Variants in GRIK2 observed in about 807,000 individuals in gnomAD.
GRIK2 encodes glutamate ionotropic receptor kainate type subunit 2, also known as glutamate receptor ionotropic, kainate 2.
GRIK2 carries 32 observed loss-of-function variants against 100.3 expected under a neutral mutation model. The ratio of observed to expected loss-of-function variants is 0.32; its 90% confidence interval spans 0.24 to 0.43. The LOEUF (loss-of-function observed/expected upper bound fraction) is 0.43, where lower values mean the gene tolerates loss of function less well. Ranked by LOEUF, GRIK2 falls within the 20% of genes least tolerant of loss-of-function variation. The pLI, the probability that GRIK2 is intolerant of heterozygous loss-of-function variation, is 1.00. For missense variants in GRIK2, 843 were observed against 1,114.9 expected, an observed-to-expected ratio of 0.76 and a Z score of 3.47; for synonymous variants, 417 against 389.4, an observed-to-expected ratio of 1.07 and a Z score of -0.83.
intron 10 of GRIK2, among the ~76,000 whole-genome samples, chr6:101,838,805 C>A (rs1783313664): frequency 6.6e-6 from 1 of 151,928 alleles, no homozygotes; most frequent in African/African-American, 2.4e-5. Flanking sequence ...CTGCCCACCA[C>A]CACGCCTGGC....
chr6:101,847,377 G>A (rs907755112), intron 10 of GRIK2, among the ~76,000 whole-genome samples: 2 of 151,852 alleles, frequency 1.3e-5, no homozygotes, highest in African/African-American at 4.8e-5. Flanking sequence ...GTATAATATT[G>A]CAACTCTAGA....
At chr6:102,066,941 A>C (rs1772047300) in intron 16 of GRIK2, among the ~76,000 whole-genome samples, 1 of 151,666 alleles carries the variant, frequency 6.6e-6, no homozygotes, top group South Asian at 2.1e-4. Context: ...CAGGAAGGTA[A>C]TAGAGCAGTG....
In GRIK2 at chr6:101,819,466, C is replaced by T. The variant is rs537261037; in HGVS notation, c.1317+983C>T. Among the ~76,000 whole-genome samples, 6 of 152,236 alleles carry T rather than the reference C, an allele frequency of 3.9e-5. No individual in the cohort carries two copies. The East Asian group carries it at 1.2e-3, about 29-fold the overall frequency. Reference sequence around the variant, plus strand: ...TTGATAATGAAGCAAAGCTGATAATCATGAAGTGACAGTGATGAAAGTCAT... The same window carrying T: ...TTGATAATGAAGCAAAGCTGATAATTATGAAGTGACAGTGATGAAAGTCAT... On this transcript the variant is annotated intron_variant, in intron 10 of 16. Transcript: ENST00000369134.
rs73763639 is a variant in GRIK2, at chr6:102,017,959, A to C, written c.2086-17382A>C. Among the ~76,000 whole-genome samples the C allele has an allele frequency of 3.4e-3, 516 of 152,266 alleles. 2 individuals carry two copies. Among genetic ancestry groups the C allele is most frequent in the African/African-American group, 0.012 (498 of 41,568 alleles). The stretch of plus-strand genomic sequence containing the variant: ...ACTTTTTCCATTAAAGGCCATAGAA[A>C]AATAATCATAGTTTTTAGGCGTTCT... On this transcript the variant is annotated intron_variant, in intron 14 of 16. Transcript: ENST00000369134.
At chr6:101,974,810 A>G (rs1012494453) in intron 14 of GRIK2, among the ~76,000 whole-genome samples, 2 of 152,020 alleles carry the variant, frequency 1.3e-5, no homozygotes, top group Non-Finnish European at 2.9e-5. Flanking sequence ...ATTGATACAT[A>G]AAACTAACTA....
intron 7 of GRIK2, among the ~76,000 whole-genome samples, chr6:101,769,753 GTA>G (rs1778280387): frequency 2.0e-5 from 3 of 152,154 alleles, no homozygotes; most frequent in Admixed American, 6.6e-5. Context: ...AAAAGAAAAG[GTA>G]TTTATTTGAA....
chr6:102,050,151 A>G (rs2114486410), intron 15 of GRIK2, among the ~76,000 whole-genome samples: 1 of 152,288 alleles, frequency 6.6e-6, no homozygotes, highest in East Asian at 1.9e-4. Flanking sequence ...GAAGAAATAA[A>G]TCAATATATT....
chr6:101,531,596 A>G (rs115966713), intron 2 of GRIK2, among the ~76,000 whole-genome samples: 1,832 of 151,958 alleles, frequency 0.012, 35 homozygotes, highest in African/African-American at 0.043. Flanking sequence ...CTATTACCAG[A>G]GACTTCCAAA....
chr6:101,679,620 A>C (rs1036863597), intron 5 of GRIK2, among the ~76,000 whole-genome samples: 2 of 152,204 alleles, frequency 1.3e-5, no homozygotes, highest in African/African-American at 4.8e-5. Context: ...TTATTTAAAA[A>C]AAAATTCTAC....
chr6:101,604,524 A>G (rs150859222), intron 2 of GRIK2, among the ~76,000 whole-genome samples: 339 of 152,022 alleles, frequency 2.2e-3, no homozygotes, highest in Middle Eastern at 6.8e-3. Context: ...TTGGAATTTA[A>G]CAGAAGTAAA....
At chr6:101,971,719 G>T (rs780094076) in intron 14 of GRIK2, among the ~76,000 whole-genome samples, 5 of 151,830 alleles carry the variant, frequency 3.3e-5, no homozygotes, top group Non-Finnish European at 5.9e-5. Context: ...GTGTCCAATA[G>T]GTAGTTTTTC....
At chr6:101,792,902 C>G (rs530058666) in intron 7 of GRIK2, among the ~76,000 whole-genome samples, 55 of 152,148 alleles carry the variant, frequency 3.6e-4, no homozygotes, top group African/African-American at 9.4e-4. Context: ...AGGCTTTGTT[C>G]ATTTCTTTTT....
At chr6:101,741,265 A>G (rs1022747619) in intron 7 of GRIK2, among the ~76,000 whole-genome samples, 12 of 152,192 alleles carry the variant, frequency 7.9e-5, no homozygotes, top group African/African-American at 2.9e-4. Context: ...AATATTCAAT[A>G]ATAAGGAATC....
intron 2 of GRIK2, among the ~76,000 whole-genome samples, chr6:101,573,361 T>G (rs1270110773): frequency 6.6e-6 from 1 of 152,158 alleles, no homozygotes; most frequent in African/African-American, 2.4e-5. Flanking sequence ...GATTTCACCT[T>G]GAGCAACCAG....
At chr6:101,797,073 A>G (rs541951287) in intron 7 of GRIK2, among the ~76,000 whole-genome samples, 1 of 152,210 alleles carries the variant, frequency 6.6e-6, no homozygotes, top group South Asian at 2.1e-4. Flanking sequence ...GATTATCTAT[A>G]TGTCAGTAAG....
chr6:101,421,205 T>C (rs1432736668), intron 2 of GRIK2, among the ~76,000 whole-genome samples: 1 of 152,216 alleles, frequency 6.6e-6, no homozygotes, highest in Non-Finnish European at 1.5e-5. Context: ...ACTGATCTGC[T>C]GCTACCTTCT....
At chr6:102,006,390 A>ATTTTT (rs34620995) in intron 14 of GRIK2, among the ~76,000 whole-genome samples, 145 of 114,088 alleles carry the variant, frequency 1.3e-3, no homozygotes, top group Middle Eastern at 5.1e-3. Flanking sequence ...ATATATATAT[A>ATTTTT]TTTTTTTTTT....
At chr6:101,609,937 G>A (rs2128312948) in intron 2 of GRIK2, among the ~76,000 whole-genome samples, 1 of 151,754 alleles carries the variant, frequency 6.6e-6, no homozygotes, top group East Asian at 1.9e-4. Flanking sequence ...TGTTATTAAT[G>A]TAATATGAAT....
rs561652999 is a variant in GRIK2, at chr6:101,450,177, A to C, written c.115+50785A>C. Reference sequence around the variant, plus strand: ...ATAGATAGCAAGAGAAATCTAGGAAATCATTCACAAATCACATATCACATC... The same window carrying C: ...ATAGATAGCAAGAGAAATCTAGGAACTCATTCACAAATCACATATCACATC... On this transcript the variant is annotated intron_variant, in intron 2 of 16. Coordinates refer to ENST00000369134, the MANE Select transcript of GRIK2 (RefSeq NM_021956.5). Among the ~76,000 whole-genome samples, 4 of 151,860 alleles carry C rather than the reference A, an allele frequency of 2.6e-5. No homozygotes were observed. In the South Asian group the frequency reaches 8.3e-4, roughly 31 times the overall value.
Sources: allele counts gnomAD v4.1 joint callset (sites outside exome capture counted in the v4.1 genomes callset), GRCh38; gene constraint gnomAD v4.1.1; transcripts MANE v1.5; gene names NCBI Gene and HGNC (gene_info 2026-07-23, HGNC 2026-07-21).